ANXA11: variants seen among roughly 807,000 people sequenced by gnomAD.
ANXA11 encodes the protein 56 kDa autoantigen.
ANXA11 carries 57 observed loss-of-function variants against 64.7 expected under a neutral mutation model. The ratio of observed to expected loss-of-function variants is 0.88; its 90% CI spans 0.71 to 1.10. The LOEUF (loss-of-function observed/expected upper bound fraction) is 1.10, where lower values mean the gene tolerates loss of function less well. ANXA11 is among the 50% of genes least tolerant of loss of function. The pLI is 0.00. For synonymous variants in ANXA11, 260 were observed against 265.2 expected (o/e 0.98, Z 0.19); for missense variants, 675 against 670.7 (o/e 1.01, Z -0.07).
chr10:80,193,853 T>C (rs1034587370), intron 1 of ANXA11, among the ~76,000 whole-genome samples: 1 of 151,866 alleles, frequency 6.6e-6, no homozygotes, highest in African/African-American at 2.4e-5. Context: ...ACATTCTTCT[T>C]CTTTTTTATT....
intron 1 of ANXA11, among the ~76,000 whole-genome samples, chr10:80,201,810 G>A (rs1054099746): frequency 6.6e-6 from 1 of 152,046 alleles, no homozygotes; most frequent in African/African-American, 2.4e-5. Context: ...CACTCCCCAG[G>A]CTGGATATGC....
intron 1 of ANXA11, among the ~76,000 whole-genome samples, chr10:80,185,541 CA>C (rs1194813449): frequency 6.6e-6 from 1 of 152,226 alleles, no homozygotes; most frequent in African/African-American, 2.4e-5. Flanking sequence ...AATCCTGTAA[CA>C]AAAGTGCCTG....
chr10:80,191,837 G>A (rs1189508284), intron 1 of ANXA11, among the ~76,000 whole-genome samples: 1 of 152,188 alleles, frequency 6.6e-6, no homozygotes, highest in East Asian at 1.9e-4. Context: ...GGATGCCAGA[G>A]GCCAGCTCAG....
At chr10:80,168,124 G>A (rs1023076619) in intron 5 of ANXA11, among the ~76,000 whole-genome samples, 2 of 140,056 alleles carry the variant, frequency 1.4e-5, no homozygotes, top group Non-Finnish European at 3.2e-5. Flanking sequence ...ACAGAACCAT[G>A]ACAACGAATT....
intron 1 of ANXA11, among the ~76,000 whole-genome samples, chr10:80,187,294 G>A (rs1846577770): frequency 6.6e-6 from 1 of 152,198 alleles, no homozygotes; most frequent in Non-Finnish European, 1.5e-5. Context: ...CCTTATAAAA[G>A]AGATCCCAGA....
chr10:80,154,708 G>A lies in ANXA11; in HGVS notation c.*1145C>T, dbSNP rs1177142818. On this transcript the variant is annotated 3_prime_UTR_variant, in exon 16 of 16. Transcript: ENST00000422982. ...ACAGGGTCCCCAGAGACCAGAGCCA[G>A]GAGCCCCTTTCAGCCTGGAGGCACC... 1 of 152,240 alleles carries A rather than the reference G, an allele frequency of 6.6e-6. No homozygotes were observed. The highest frequency in any genetic ancestry group is 2.4e-5 in the African/African-American group (1 of 41,446). The allele number at this position is 152,240 out of a possible 1,614,324, so 9.4% of individuals were successfully genotyped here. A position where few individuals can be genotyped will look rare whatever the true frequency, so the allele number is the denominator to read the frequency against.
chr10:80,190,381 G>A, intron 1 of ANXA11, among the ~76,000 whole-genome samples: 1 of 151,924 alleles, frequency 6.6e-6, no homozygotes. Flanking sequence ...TTGAGGTGAT[G>A]GATATATTAA....
Position 80,165,418 on chromosome 10 carries a change from G to A in ANXA11, c.858+666C>T, listed in dbSNP as rs73299524. Among the ~76,000 whole-genome samples, 161 of 152,284 alleles carry A rather than the reference G, an allele frequency of 1.1e-3. 1 individual carries two copies. The highest frequency in any genetic ancestry group is 3.6e-3 in the African/African-American group (150 of 41,568). On this transcript the variant is annotated intron_variant, in intron 8 of 15. Transcript: ENST00000422982. ...AGGACCCAACCCTCAGTCAAAACCC[G>A]CAGGACTGGAGGGAACAGTGAGTCC...
rs1363395739 is a variant in ANXA11, at chr10:80,159,165, C to A, written c.1211G>T (p.Arg404Leu). 6.2e-7 allele frequency: 1 copy of A among 1,614,080 alleles called. No individual in the cohort carries two copies. The highest frequency in any genetic ancestry group is 1.7e-5 in the Admixed American group (1 of 60,026). ...VFNEYQRMTG[R>L]DIEKSICREM... ...CCGGCAGATGCTCTTCTCAATGTCC[C>A]GGCCTGTCATTCTCTGGTACTCATT... Residue 404 changes from arginine to leucine, a missense_variant, in exon 13 of 16, where the codon CGG becomes CTG. By Grantham distance (102) the Arg-to-Leu change is moderately radical (BLOSUM62 -2). Coordinates refer to ENST00000422982, the MANE Select transcript of ANXA11 (RefSeq NM_145868.2).
chr10:80,172,210 G>A (rs144761135), intron 3 of ANXA11, among the ~76,000 whole-genome samples: 4 of 152,196 alleles, frequency 2.6e-5, no homozygotes, highest in Non-Finnish European at 4.4e-5. Flanking sequence ...GGACCAAAAG[G>A]GGCCAGGGCC....
At position 80,200,801 on chromosome 10, in the gene ANXA11, C is replaced by T. The variant is rs1009483889; in HGVS notation, c.-58+4542G>A. Among the ~76,000 whole-genome samples, 10 of 152,222 alleles carry T rather than the reference C, an allele frequency of 6.6e-5. 3 individuals carry two copies. Among genetic ancestry groups the T allele is most frequent in the Admixed American group, 5.9e-4 (9 of 15,288 alleles). The stretch of plus-strand genomic sequence containing the variant: ...ATCCCAGCACTTTGGGAGGCTGAGG[C>T]GGGGCGGGGGGATTGCTTGAGGCCA... On this transcript the variant is annotated intron_variant, in intron 1 of 15. Transcript: ENST00000422982.
chr10:80,153,770 G>C lies in ANXA11; in HGVS notation c.*2083C>G. ...CCTGCCATCAATCTCAGGTAGACCA[G>C]GCTAGTTCTCAGCTCATGGCTGCTC... On this transcript the variant is annotated 3_prime_UTR_variant, in exon 16 of 16. Transcript: ENST00000422982. The C allele has an allele frequency of 6.6e-6, 1 of 152,284 alleles. No homozygotes were observed. Among genetic ancestry groups the C allele is most frequent in the East Asian group, 1.9e-4 (1 of 5,198 alleles). The allele number at this position is 152,284 out of a possible 1,614,324, so 9.4% of individuals were successfully genotyped here.
chr10:80,203,165 C>A (rs969506190), intron 1 of ANXA11, among the ~76,000 whole-genome samples: 94 of 152,218 alleles, frequency 6.2e-4, no homozygotes, highest in African/African-American at 2.0e-3. Context: ...CATTTTGGTT[C>A]CACATTCAGC....
chr10:80,166,341 G>T (rs1480812142), intron 7 of ANXA11, 144 bp from the exon 8 acceptor site: 2 of 593,456 alleles, frequency 3.4e-6, no homozygotes, highest in Non-Finnish European at 6.0e-6. Flanking sequence ...AGAAAAGCCT[G>T]CTCTCAGCCC....
At position 80,155,611 on chromosome 10, in the gene ANXA11, CA is replaced by C; in HGVS notation, c.*241del. 2.0e-6 allele frequency: 1 copy of C among 496,842 alleles called. No individual in the cohort carries two copies. Among genetic ancestry groups the C allele is most frequent in the South Asian group, 3.5e-5 (1 of 28,206 alleles). The allele number at this position is 496,842 out of a possible 1,614,324, so 30.8% of individuals were successfully genotyped here. On this transcript the variant is annotated 3_prime_UTR_variant, in exon 16 of 16. Transcript: ENST00000422982. ...GATTGCATGAGTCAGAAAAATGAAA[CA>C]TCTATTTTAGCAGCAAGAGGCTGTG...
At chr10:80,196,939 C>T (rs1429117567) in intron 1 of ANXA11, among the ~76,000 whole-genome samples, 1 of 152,182 alleles carries the variant, frequency 6.6e-6, no homozygotes, top group Non-Finnish European at 1.5e-5. Context: ...CGGAGCCTCA[C>T]CAAGGGGCTG....
chr10:80,196,741 A>G (rs1320994899), intron 1 of ANXA11, among the ~76,000 whole-genome samples: 1 of 152,148 alleles, frequency 6.6e-6, no homozygotes, highest in Non-Finnish European at 1.5e-5. Context: ...CCAGGCACTA[A>G]ACAAAAAGCC....
intron 1 of ANXA11, among the ~76,000 whole-genome samples, chr10:80,185,340 C>A (rs577554095): frequency 1.3e-5 from 2 of 152,324 alleles, no homozygotes; most frequent in East Asian, 3.9e-4. Flanking sequence ...TTCCCTGACA[C>A]CAGCTTCATA....
intron 1 of ANXA11, among the ~76,000 whole-genome samples, chr10:80,183,337 C>T (rs1564620071): frequency 6.6e-6 from 1 of 152,232 alleles, no homozygotes; most frequent in Admixed American, 6.5e-5. Flanking sequence ...CTCTCCCAGA[C>T]CTCACTTGAC....
Sources: allele counts gnomAD v4.1 joint callset (sites outside exome capture counted in the v4.1 genomes callset), GRCh38; gene constraint gnomAD v4.1.1; transcripts MANE v1.5; gene names NCBI Gene and HGNC (gene_info 2026-07-23, HGNC 2026-07-21).